Variants in WWOX observed in about 807,000 individuals in gnomAD.
WWOX encodes the protein WW domain-containing oxidoreductase.
WWOX carries 69 observed loss-of-function variants against 46.2 expected under a neutral mutation model. The observed-to-expected ratio is 1.49, with a 90% CI of 1.23 to 1.82. The LOEUF is 1.82. WWOX is among the 40% of genes most tolerant of loss of function. The pLI, the probability that WWOX is intolerant of heterozygous loss-of-function variation, is 0.00. For synonymous variants in WWOX, 359 were observed against 202.6 expected (o/e 1.77, Z -6.56); for missense variants, 919 against 542.6 (o/e 1.69, Z -6.89).
rs556948152 is a variant in WWOX, at chr16:78,472,839, A to G, written c.1056+40087A>G. ...AAAAAAAAAAAAAAAAAAAAAAATT[A>G]TGTCATTTCGTTGTCACAGCGTCAG... On this transcript the variant is annotated intron_variant, in intron 8 of 8. Coordinates refer to ENST00000566780, the MANE Select transcript of WWOX (RefSeq NM_016373.4). Among the ~76,000 whole-genome samples the G allele has an allele frequency of 7.5e-3, 1,019 of 134,998 alleles. 11 individuals carry two copies. Among genetic ancestry groups the G allele is most frequent in the Non-Finnish European group, 9.0e-3 (576 of 64,242 alleles). The allele number at this position is 134,998 out of a possible 152,430, so 88.6% of individuals were successfully genotyped here.
At chr16:79,071,750 C>T (rs2048555563) in intron 8 of WWOX, among the ~76,000 whole-genome samples, 1 of 152,230 alleles carries the variant, frequency 6.6e-6, no homozygotes, top group African/African-American at 2.4e-5. Context: ...AGTAATTGAT[C>T]TGTTGGCCTA....
chr16:78,628,265 G>C (rs542747102), intron 8 of WWOX, among the ~76,000 whole-genome samples: 63 of 152,188 alleles, frequency 4.1e-4, no homozygotes, highest in Non-Finnish European at 6.9e-4. Flanking sequence ...ATGTCACATT[G>C]AGTGGTGCTA....
At position 78,192,053 on chromosome 16, in the gene WWOX, G is replaced by T. The variant is rs76038538; in HGVS notation, c.516+27764G>T. Among the ~76,000 whole-genome samples the T allele has an allele frequency of 9.0e-3, 1,362 of 152,056 alleles. 11 individuals carry two copies. The highest frequency in any genetic ancestry group is 0.031 in the Middle Eastern group (9 of 294). On this transcript the variant is annotated intron_variant, in intron 5 of 8. Coordinates refer to ENST00000566780, the MANE Select transcript of WWOX (RefSeq NM_016373.4). The stretch of plus-strand genomic sequence containing the variant: ...AGCCTCTCTGTGTTTCTATTTCTTT[G>T]TTTATAAAAGAGGGACAAAAATAGG...
At chr16:78,775,738 A>C (rs191615421) in intron 8 of WWOX, among the ~76,000 whole-genome samples, 1 of 152,332 alleles carries the variant, frequency 6.6e-6, no homozygotes, top group Admixed American at 6.5e-5. Context: ...TTATTATAAT[A>C]ATCATTAGCA....
At chr16:78,356,112 G>A (rs1232228333) in intron 5 of WWOX, among the ~76,000 whole-genome samples, 2 of 52,388 alleles carry the variant, frequency 3.8e-5, no homozygotes, top group Non-Finnish European at 8.2e-5. Flanking sequence ...GATTGAACCC[G>A]GGAGGTGGAG....
chr16:78,818,880 A>T (rs989817671), intron 8 of WWOX, among the ~76,000 whole-genome samples: 7 of 152,220 alleles, frequency 4.6e-5, no homozygotes, highest in African/African-American at 1.4e-4. Context: ...GAGGGAATGT[A>T]AAGTGGAGGT....
chr16:78,906,945 C>G (rs914379103), intron 8 of WWOX, among the ~76,000 whole-genome samples: 1 of 152,148 alleles, frequency 6.6e-6, no homozygotes, highest in Non-Finnish European at 1.5e-5. Context: ...AAGCTATTGG[C>G]AGGTGGTGAT....
At chr16:79,102,163 A>G (rs956510964) in intron 8 of WWOX, among the ~76,000 whole-genome samples, 5 of 151,892 alleles carry the variant, frequency 3.3e-5, no homozygotes. Context: ...TTTTTGAGGA[A>G]TCAGTGAGAA....
rs1036591678 is a variant in WWOX at position 78,414,139 on chromosome 16, G to T, written c.606-10731G>T. 2.0e-5 allele frequency among the ~76,000 whole-genome samples: 3 copies of T among 148,412 alleles called. No individual in the cohort carries two copies. In the South Asian group the frequency reaches 6.6e-4, roughly 33 times the overall value. On this transcript the variant is annotated intron_variant, in intron 6 of 8. Transcript: ENST00000566780. Reference sequence around the variant, plus strand: ...CCCCACCGAGCACCTTGTGACCCCCGCCCCTGCCTGCAAGACAAAACCCCC... The same window carrying T: ...CCCCACCGAGCACCTTGTGACCCCCTCCCCTGCCTGCAAGACAAAACCCCC...
intron 8 of WWOX, among the ~76,000 whole-genome samples, chr16:78,606,281 T>A (rs893380461): frequency 1.3e-5 from 2 of 152,194 alleles, no homozygotes; most frequent in African/African-American, 4.8e-5. Context: ...ACTTAAAAAG[T>A]TTAGCACATT....
At chr16:78,819,497 A>G (rs1010880491) in intron 8 of WWOX, among the ~76,000 whole-genome samples, 2 of 152,100 alleles carry the variant, frequency 1.3e-5, no homozygotes, top group African/African-American at 2.4e-5. Context: ...TGCATAATCC[A>G]CCACTTAATT....
intron 8 of WWOX, among the ~76,000 whole-genome samples, chr16:78,720,230 G>T (rs757255919): frequency 6.6e-6 from 1 of 152,030 alleles, no homozygotes; most frequent in Non-Finnish European, 1.5e-5. Flanking sequence ...ACTGTGATTC[G>T]TCTGATAGAC....
intron 8 of WWOX, among the ~76,000 whole-genome samples, chr16:79,061,758 G>C (rs2048361340): frequency 6.6e-6 from 1 of 151,530 alleles, no homozygotes; most frequent in Non-Finnish European, 1.5e-5. Context: ...AAGGTTTTGA[G>C]CATATTAACA....
intron 8 of WWOX, among the ~76,000 whole-genome samples, chr16:79,036,092 T>A (rs1202349722): frequency 6.6e-6 from 1 of 152,234 alleles, no homozygotes; most frequent in East Asian, 1.9e-4. Context: ...GCTCTCTCCA[T>A]TTCTCATTCA....
intron 8 of WWOX, among the ~76,000 whole-genome samples, chr16:78,799,897 G>A (rs993162468): frequency 2.6e-5 from 4 of 152,140 alleles, no homozygotes; most frequent in Non-Finnish European, 5.9e-5. Flanking sequence ...AAATTTCTAT[G>A]TGAATGACTA....
intron 8 of WWOX, among the ~76,000 whole-genome samples, chr16:78,589,486 C>G (rs2045300853): frequency 6.6e-6 from 1 of 152,102 alleles, no homozygotes; most frequent in African/African-American, 2.4e-5. Context: ...CACTCTTTTC[C>G]TCATCATCTC....
At chr16:78,503,634 A>T (rs1264329073) in intron 8 of WWOX, 2 of 152,198 alleles carry the variant, frequency 1.3e-5, no homozygotes, top group East Asian at 1.9e-4. Flanking sequence ...ATTTCTTCTT[A>T]AAAATATTCA....
intron 5 of WWOX, among the ~76,000 whole-genome samples, chr16:78,316,214 C>A (rs942937121): frequency 1.3e-5 from 2 of 151,938 alleles, no homozygotes; most frequent in African/African-American, 4.8e-5. Flanking sequence ...CTAGTGTACT[C>A]CAGTCTGGGC....
At chr16:78,507,646 G>T (rs1435558378) in intron 8 of WWOX, among the ~76,000 whole-genome samples, 3 of 152,104 alleles carry the variant, frequency 2.0e-5, no homozygotes. Context: ...GAAATGCCTT[G>T]GTCCCGTCTC....
Sources: gnomAD v4.1 joint callset for allele counts (sites outside exome capture counted in the v4.1 genomes callset) on GRCh38, gnomAD v4.1.1 for gene constraint, MANE v1.5 for transcripts, NCBI Gene and HGNC (gene_info 2026-07-23, HGNC 2026-07-21) for gene names.